Variants in KIAA2012 observed in about 807,000 individuals in gnomAD.
KIAA2012 encodes KIAA2012, also known as uncharacterized protein KIAA2012.
A neutral mutation model predicts 150.6 loss-of-function variants in KIAA2012; 125 were observed. That is an observed-to-expected ratio of 0.83 (90% CI 0.72 to 0.96). The LOEUF (loss-of-function observed/expected upper bound fraction) is 0.96, where lower values mean the gene tolerates loss of function less well. Ranked by LOEUF, KIAA2012 falls within the 40% of genes least tolerant of loss-of-function variation. The pLI is 0.00. For missense variants in KIAA2012, 1,219 were observed against 1,354.9 expected (o/e 0.90, Z 1.57); for synonymous variants, 462 against 504.7 (o/e 0.92, Z 1.13).
chr2:202,152,780 G>T lies in KIAA2012; in HGVS notation c.1909-1893G>T, dbSNP rs143762549. On this transcript the variant is annotated intron_variant, in intron 13 of 23. Transcript: ENST00000498697. ...TTCAAAGCAAAAGAAAAGGGTGTGG[G>T]TGTTCATTGGAATGATGACTGTTTG... Among the ~76,000 whole-genome samples the T allele has an allele frequency of 3.3e-5, 5 of 152,318 alleles. No homozygotes were observed. In the East Asian group the frequency reaches 9.6e-4, roughly 29 times the overall value.
intron 4 of KIAA2012, among the ~76,000 whole-genome samples, chr2:202,095,816 G>C (rs568529701): frequency 6.6e-6 from 1 of 152,182 alleles, no homozygotes; most frequent in Admixed American, 6.5e-5. Flanking sequence ...GGGCACAATG[G>C]CTCATGACTG....
chr2:202,179,413 G>A (rs879018745), intron 15 of KIAA2012: 2 of 741,092 alleles, frequency 2.7e-6, no homozygotes, highest in Admixed American at 1.8e-5. Context: ...GAATTAAAGC[G>A]GCAAATGGTG....
At position 202,125,311 on chromosome 2, in the gene KIAA2012, G is replaced by A. The variant is rs1281225215; in HGVS notation, c.1831+29G>A. 6.7e-6 allele frequency: 10 copies of A among 1,498,758 alleles called. No homozygotes were observed. The East Asian group carries it at 7.4e-5, about 11-fold the overall frequency. 92.8% of individuals were successfully genotyped at this position (1,498,758 alleles called of 1,614,324 possible). ...AGCTTTTCCACTAAAAAGTCACCTC[G>A]ACTTCTCTATGTAATTTGACTCATG... On this transcript the variant is annotated intron_variant, in intron 12 of 23. Transcript: ENST00000498697.
Position 202,161,803 on chromosome 2 carries a change from G to A in KIAA2012, c.2047-3481G>A, listed in dbSNP as rs114619287. ...TCTTTGTGCCCCCGGTGCCTATCTC[G>A]GTACCTGGCACACAGCAGACACTCA... On this transcript the variant is annotated intron_variant, in intron 14 of 23. Coordinates refer to ENST00000498697, the MANE Select transcript of KIAA2012 (RefSeq NM_001277372.4). Among the ~76,000 whole-genome samples the A allele has an allele frequency of 9.1e-4, 139 of 152,030 alleles. 1 individual carries two copies. Among genetic ancestry groups the A allele is most frequent in the African/African-American group, 3.1e-3 (127 of 41,436 alleles).
intron 3 of KIAA2012, 150 bp from the exon 4 acceptor site, chr2:202,092,880 C>A: frequency 1.5e-6 from 1 of 666,772 alleles, no homozygotes; most frequent in Non-Finnish European, 2.5e-6. Flanking sequence ...TTCTATCTGA[C>A]TTTTTAATCT....
chr2:202,113,316 T>C lies in KIAA2012; in HGVS notation c.1652-20T>C. 6.5e-7 allele frequency: 1 copy of C among 1,537,862 alleles called. No individual in the cohort carries two copies. Among genetic ancestry groups the C allele is most frequent in the South Asian group, 1.2e-5 (1 of 83,704 alleles). ...ACCAACACGGTACTGACACTGCCTA[T>C]GCTTGTGCTTATTTTCAAGAAGATT... On this transcript the variant is annotated intron_variant, in intron 10 of 23. Coordinates refer to ENST00000498697, the MANE Select transcript of KIAA2012 (RefSeq NM_001277372.4).
intron 8 of KIAA2012, among the ~76,000 whole-genome samples, chr2:202,103,321 C>T (rs2105923264): frequency 6.6e-6 from 1 of 152,328 alleles, no homozygotes; most frequent in Admixed American, 6.5e-5. Context: ...TTATACCCTT[C>T]ATTAAGCAAT....
In KIAA2012 at chr2:202,176,270, C is replaced by T. The variant is rs1470658487; in HGVS notation, c.2120-8483C>T. Reference sequence around the variant, plus strand: ...AAAGTGCAATGGCATGATCTTGGCTCACTGCAACCTCTGTCCCCTGGGTTC... The same window carrying T: ...AAAGTGCAATGGCATGATCTTGGCTTACTGCAACCTCTGTCCCCTGGGTTC... On this transcript the variant is annotated intron_variant, in intron 15 of 23. Coordinates refer to ENST00000498697, the MANE Select transcript of KIAA2012 (RefSeq NM_001277372.4). 2.0e-5 allele frequency among the ~76,000 whole-genome samples: 3 copies of T among 151,322 alleles called. No homozygotes were observed. The East Asian group carries it at 5.8e-4, about 29-fold the overall frequency.
intron 14 of KIAA2012, among the ~76,000 whole-genome samples, chr2:202,158,289 C>T (rs1691570897): frequency 6.6e-6 from 1 of 151,242 alleles, no homozygotes; most frequent in Admixed American, 6.6e-5. Flanking sequence ...CCACCGTGCC[C>T]GGCCCCCTCA....
At chr2:202,145,485 A>G (rs893225255) in intron 13 of KIAA2012, among the ~76,000 whole-genome samples, 1 of 152,150 alleles carries the variant, frequency 6.6e-6, no homozygotes, top group Non-Finnish European at 1.5e-5. Context: ...CACTGCAACT[A>G]TCATTTATTC....
At chr2:202,117,297 T>C (rs1272966291) in intron 11 of KIAA2012, among the ~76,000 whole-genome samples, 1 of 152,230 alleles carries the variant, frequency 6.6e-6, no homozygotes, top group Admixed American at 6.5e-5. Flanking sequence ...TCTAAGAATA[T>C]CCCAGCTGGT....
At chr2:202,148,870 C>T (rs973890080) in intron 13 of KIAA2012, among the ~76,000 whole-genome samples, 15 of 152,178 alleles carry the variant, frequency 9.9e-5, no homozygotes, top group Admixed American at 5.9e-4. Flanking sequence ...ATGTATACAA[C>T]GCCCGGCCCA....
At chr2:202,114,054 G>T (rs1385724881) in intron 11 of KIAA2012, 2 of 152,336 alleles carry the variant, frequency 1.3e-5, no homozygotes, top group African/African-American at 4.8e-5. Flanking sequence ...CAGCCAGCAG[G>T]CTCCTTGATG....
At chr2:202,099,507 A>G (rs1319502303) in intron 5 of KIAA2012, 106 bp from the exon 6 acceptor site, 1 of 903,876 alleles carries the variant, frequency 1.1e-6, no homozygotes, top group Admixed American at 3.2e-5. Flanking sequence ...TGCAAAAGAA[A>G]TTTCATCCTT....
intron 13 of KIAA2012, among the ~76,000 whole-genome samples, chr2:202,143,375 C>G (rs937401745): frequency 1.3e-5 from 2 of 151,652 alleles, no homozygotes; most frequent in African/African-American, 4.8e-5. Flanking sequence ...CGTGAGCCAC[C>G]GTGCCCAGCC....
chr2:202,167,331 A>C (rs1160388095), intron 15 of KIAA2012, among the ~76,000 whole-genome samples: 1 of 152,222 alleles, frequency 6.6e-6, no homozygotes, highest in African/African-American at 2.4e-5. Flanking sequence ...TAAACTAAAG[A>C]TTTCTAGGCC....
rs1689708544 is a variant in KIAA2012 at position 202,091,111 on chromosome 2, G to A, written c.529+182G>A. ...TCACGGCTCCCGTCCTTTGTCCTCT[G>A]ACGCATTTGCAGAGGGAAGAACGGC... On this transcript the variant is annotated intron_variant, in intron 3 of 23. Coordinates refer to ENST00000498697, the MANE Select transcript of KIAA2012 (RefSeq NM_001277372.4). Among the ~76,000 whole-genome samples the A allele has an allele frequency of 2.6e-5, 4 of 152,212 alleles. 1 individual carries two copies. The South Asian group carries it at 8.3e-4, about 32-fold the overall frequency.
chr2:202,120,511 C>A (rs577594548), intron 11 of KIAA2012, among the ~76,000 whole-genome samples: 3 of 152,316 alleles, frequency 2.0e-5, no homozygotes, highest in Admixed American at 6.5e-5. Flanking sequence ...TCCAGTGAGG[C>A]CAGAGCTTTT....
intron 23 of KIAA2012, among the ~76,000 whole-genome samples, chr2:202,204,430 T>C (rs905596689): frequency 2.6e-5 from 4 of 152,140 alleles, no homozygotes; most frequent in Non-Finnish European, 5.9e-5. Flanking sequence ...TAATAAAATA[T>C]CCCTTTAACA....
Sources: gnomAD v4.1 joint callset for allele counts (sites outside exome capture counted in the v4.1 genomes callset) on GRCh38, gnomAD v4.1.1 for gene constraint, MANE v1.5 for transcripts, NCBI Gene and HGNC (gene_info 2026-07-23, HGNC 2026-07-21) for gene names.